Variants in SRRM4 observed in about 807,000 individuals in gnomAD.
SRRM4 encodes serine/arginine repetitive matrix 4.
A neutral mutation model predicts 68.9 loss-of-function variants in SRRM4; 33 were observed. The ratio of observed to expected loss-of-function variants is 0.48; its 90% CI spans 0.36 to 0.64. The LOEUF (loss-of-function observed/expected upper bound fraction) is 0.64. Among genes scored for constraint, SRRM4 ranks in the 30% least tolerant of loss-of-function variants. The pLI, the probability that SRRM4 is intolerant of heterozygous loss-of-function variation, is 0.00. For synonymous variants in SRRM4, 318 were observed against 318.8 expected, an observed-to-expected ratio of 1.00 and a Z score of 0.03; for missense variants, 817 against 827.1, an observed-to-expected ratio of 0.99 and a Z score of 0.15.
At chr12:119,021,042 G>C (rs1342013666) in intron 1 of SRRM4, among the ~76,000 whole-genome samples, 1 of 152,148 alleles carries the variant, frequency 6.6e-6, no homozygotes, top group Non-Finnish European at 1.5e-5. Flanking sequence ...TCCTCTTTCT[G>C]AGCCTTAGTT....
intron 2 of SRRM4, among the ~76,000 whole-genome samples, chr12:119,105,231 TG>T (rs1954099803): frequency 6.6e-6 from 1 of 152,236 alleles, no homozygotes; most frequent in East Asian, 1.9e-4. Context: ...GATGGACATT[TG>T]GGTTGGTTCC....
At chr12:119,089,194 G>C (rs551449586) in intron 1 of SRRM4, among the ~76,000 whole-genome samples, 1 of 152,268 alleles carries the variant, frequency 6.6e-6, no homozygotes, top group East Asian at 1.9e-4. Context: ...GCTGTGCCAA[G>C]ATGACCTAGT....
At chr12:119,046,122 T>C (rs1953706079) in intron 1 of SRRM4, among the ~76,000 whole-genome samples, 1 of 152,090 alleles carries the variant, frequency 6.6e-6, no homozygotes, top group Non-Finnish European at 1.5e-5. Flanking sequence ...GGAGGCGTGC[T>C]TTGGGCACCA....
chr12:119,065,438 T>TA (rs1953839820), intron 1 of SRRM4, among the ~76,000 whole-genome samples: 1 of 152,050 alleles, frequency 6.6e-6, no homozygotes, highest in Admixed American at 6.6e-5. Context: ...AGTAGGAGTT[T>TA]AAAAAAATCC....
intron 1 of SRRM4, among the ~76,000 whole-genome samples, chr12:118,986,423 G>C (rs1412259281): frequency 6.6e-6 from 1 of 152,170 alleles, no homozygotes; most frequent in Non-Finnish European, 1.5e-5. Context: ...ATTCTGCTGT[G>C]TTCACCCGGC....
chr12:119,095,331 T>C (rs978451356), intron 1 of SRRM4, among the ~76,000 whole-genome samples: 1 of 152,150 alleles, frequency 6.6e-6, no homozygotes, highest in Non-Finnish European at 1.5e-5. Flanking sequence ...ACATTCTCTA[T>C]TGAAACAGGC....
chr12:119,152,241 T>A (rs1954444761), intron 10 of SRRM4, among the ~76,000 whole-genome samples: 1 of 152,158 alleles, frequency 6.6e-6, no homozygotes, highest in African/African-American at 2.4e-5. Flanking sequence ...ATTTAGCTGG[T>A]CATCTCAAGA....
chr12:119,020,000 T>C (rs1041093656), intron 1 of SRRM4, among the ~76,000 whole-genome samples: 3 of 122,954 alleles, frequency 2.4e-5, no homozygotes, highest in African/African-American at 9.2e-5. Context: ...CCCAGGCTGC[T>C]GCTTAACCGT....
intron 1 of SRRM4, among the ~76,000 whole-genome samples, chr12:119,031,718 C>T (rs900991666): frequency 6.6e-6 from 1 of 151,854 alleles, no homozygotes; most frequent in Non-Finnish European, 1.5e-5. Flanking sequence ...CCATGATATC[C>T]TGTTTTTATT....
intron 1 of SRRM4, among the ~76,000 whole-genome samples, chr12:119,005,506 C>T (rs1243754999): frequency 6.6e-6 from 1 of 152,100 alleles, no homozygotes; most frequent in Admixed American, 6.5e-5. Context: ...CTAATGTGCA[C>T]CACTGCTGGA....
intron 8 of SRRM4, among the ~76,000 whole-genome samples, chr12:119,135,021 G>T (rs1192505377): frequency 1.3e-5 from 2 of 152,098 alleles, no homozygotes; most frequent in Admixed American, 6.6e-5. Context: ...TTTGAAGTAG[G>T]TGCAATTATT....
intron 1 of SRRM4, among the ~76,000 whole-genome samples, chr12:119,064,344 T>C (rs1319463536): frequency 6.6e-6 from 1 of 152,206 alleles, no homozygotes; most frequent in African/African-American, 2.4e-5. Flanking sequence ...AAGGAATGTT[T>C]CAAACAAAGG....
chr12:118,994,754 A>C (rs1331551565), intron 1 of SRRM4, among the ~76,000 whole-genome samples: 3 of 152,226 alleles, frequency 2.0e-5, no homozygotes, highest in African/African-American at 4.8e-5. Flanking sequence ...TATGGGGCCA[A>C]AAATCCTTAA....
chr12:119,125,397 C>G lies in SRRM4; in HGVS notation c.532C>G (p.Arg178Gly), dbSNP rs1417626548. The part of the protein sequence containing the change: ...RHKKQSRSRP[R>G]KSHRHRHHRC... ...CCCCCCAAGATCTCGAAGCCGGCCC[C>G]GAAAGTCTCACCGCCACCGCCATCA... Residue 178 changes from arginine (R) to glycine (G), a missense_variant, in exon 7 of 13, where the codon CGA becomes GGA. Physicochemically the swap from Arg to Gly is moderately radical, Grantham distance 125. Transcript: ENST00000267260. 1.2e-6 allele frequency: 2 copies of G among 1,613,092 alleles called. No homozygotes were observed. The highest frequency in any genetic ancestry group is 1.1e-5 in the South Asian group (1 of 90,950).
chr12:119,083,412 A>C (rs116587024), intron 1 of SRRM4, among the ~76,000 whole-genome samples: 1,677 of 152,098 alleles, frequency 0.011, 25 homozygotes, highest in African/African-American at 0.027. Flanking sequence ...GTCTCTTTGG[A>C]GCAGCCTTCA....
At chr12:119,104,652 CAG>C (rs1174157125) in intron 2 of SRRM4, among the ~76,000 whole-genome samples, 2 of 151,926 alleles carry the variant, frequency 1.3e-5, no homozygotes, top group Non-Finnish European at 2.9e-5. Flanking sequence ...AGATGAGACT[CAG>C]AGAGGTCTCT....
chr12:119,107,110 A>G (rs1381610376), intron 2 of SRRM4, among the ~76,000 whole-genome samples: 1 of 152,216 alleles, frequency 6.6e-6, no homozygotes, highest in East Asian at 1.9e-4. Flanking sequence ...GATGGATTAC[A>G]TTTATTGATT....
chr12:119,017,034 C>T (rs1257257275), intron 1 of SRRM4, among the ~76,000 whole-genome samples: 1 of 152,228 alleles, frequency 6.6e-6, no homozygotes, highest in Non-Finnish European at 1.5e-5. Flanking sequence ...AAAGTACTAT[C>T]ATGCTTGTTA....
At chr12:119,029,411 C>A (rs895348227) in intron 1 of SRRM4, among the ~76,000 whole-genome samples, 2 of 152,072 alleles carry the variant, frequency 1.3e-5, no homozygotes, top group South Asian at 4.2e-4. Context: ...GAATTTGGAC[C>A]AATAGGTGAA....
Sources: gnomAD v4.1 joint callset for allele counts (sites outside exome capture counted in the v4.1 genomes callset) on GRCh38, gnomAD v4.1.1 for gene constraint, MANE v1.5 for transcripts, NCBI Gene and HGNC (gene_info 2026-07-23, HGNC 2026-07-21) for gene names.